The following FLT1 variants were observed in gnomAD, a reference collection of about 807,000 sequenced individuals.
FLT1 encodes the protein vascular endothelial growth factor receptor 1.
A neutral mutation model predicts 156.3 loss-of-function variants in FLT1; 49 were observed. That is an observed-to-expected ratio of 0.31 (90% CI 0.25 to 0.40). The LOEUF is 0.40. FLT1 is among the 10% of genes least tolerant of loss of function. The pLI, the probability that FLT1 is intolerant of heterozygous loss-of-function variation, is 1.00. For synonymous variants in FLT1, 594 were observed against 583.8 expected, an observed-to-expected ratio of 1.02 and a Z score of -0.25; for missense variants, 1,322 against 1,637.2, an observed-to-expected ratio of 0.81 and a Z score of 3.32.
intron 26 of FLT1, 62 bp from the exon 27 acceptor site, chr13:28,311,794 C>A (rs1593669722): frequency 7.0e-6 from 11 of 1,567,996 alleles, no homozygotes; most frequent in South Asian, 1.1e-5. Flanking sequence ...TTCTATGAAC[C>A]ATTATGTCAA....
intron 15 of FLT1, among the ~76,000 whole-genome samples, chr13:28,349,425 T>TACACACACAC (rs34182100): frequency 1.2e-3 from 170 of 147,014 alleles, no homozygotes; most frequent in Middle Eastern, 7.0e-3. Flanking sequence ...GGCCTTGCTG[T>TACACACACAC]ACACACACAC....
At position 28,329,744 on chromosome 13, in the gene FLT1, G is replaced by A. The variant is rs759250175; in HGVS notation, c.2594-16C>T. On this transcript the variant is annotated splice_polypyrimidine_tract_variant and intron_variant, in intron 18 of 29. Coordinates refer to ENST00000282397, the MANE Select transcript of FLT1 (RefSeq NM_002019.4). The stretch of plus-strand genomic sequence containing the variant: ...GTGGCCCCCTCTGTGTGAGAAGCAA[G>A]GAAGAGTCAGGGCGACAGGACAATG... 6 of 1,599,758 alleles carry A rather than the reference G, an allele frequency of 3.8e-6. No individual in the cohort carries two copies. The South Asian group carries it at 6.6e-5, about 18-fold the overall frequency.
At chr13:28,440,652 A>G (rs911886009) in intron 3 of FLT1, among the ~76,000 whole-genome samples, 2 of 152,134 alleles carry the variant, frequency 1.3e-5, no homozygotes, top group Non-Finnish European at 2.9e-5. Context: ...GGTGGTTCAG[A>G]GTACGCCTCA....
intron 14 of FLT1, among the ~76,000 whole-genome samples, chr13:28,375,772 G>A (rs1355303816): frequency 6.6e-6 from 1 of 152,220 alleles, no homozygotes; most frequent in Admixed American, 6.5e-5. Context: ...GGGGTGCTAA[G>A]TAGAGCAGCC....
intron 15 of FLT1, among the ~76,000 whole-genome samples, chr13:28,349,425 TACACAC>T (rs34182100): frequency 0.013 from 1,978 of 146,840 alleles, 30 homozygotes; most frequent in East Asian, 0.031. Flanking sequence ...GGCCTTGCTG[TACACAC>T]ACACACACAC....
At chr13:28,331,078 C>G (rs889208358) in intron 18 of FLT1, among the ~76,000 whole-genome samples, 3 of 152,166 alleles carry the variant, frequency 2.0e-5, no homozygotes, top group Non-Finnish European at 4.4e-5. Flanking sequence ...TGTCTATAGT[C>G]TTTTTGCTAT....
intron 3 of FLT1, among the ~76,000 whole-genome samples, chr13:28,459,910 G>C (rs1879470083): frequency 1.3e-5 from 2 of 152,234 alleles, no homozygotes; most frequent in Non-Finnish European, 2.9e-5. Context: ...TGGGGATGAA[G>C]GGCCCACATT....
chr13:28,458,258 C>T (rs754092552), intron 3 of FLT1, among the ~76,000 whole-genome samples: 2 of 152,186 alleles, frequency 1.3e-5, no homozygotes, highest in Non-Finnish European at 2.9e-5. Flanking sequence ...CCACAGTCAT[C>T]AACTTTTCAA....
intron 25 of FLT1, among the ~76,000 whole-genome samples, chr13:28,315,810 G>C (rs1871179496): frequency 6.6e-6 from 1 of 152,144 alleles, no homozygotes; most frequent in African/African-American, 2.4e-5. Context: ...GGAACGTGGG[G>C]TCTGTTCCTA....
At position 28,433,824 on chromosome 13, in the gene FLT1, C is replaced by T. The variant is rs758612495; in HGVS notation, c.808G>A (p.Asp270Asn). 61 of 1,613,880 alleles carry T rather than the reference C, an allele frequency of 3.8e-5. No homozygotes were observed. The highest frequency in any genetic ancestry group is 2.5e-6 in the Non-Finnish European group (3 of 1,179,880). ...TRVQMTWSYP[D>N]EKNKRASVRR... ...TAGAAAAATGGGTCACTCACTTCAT[C>T]AGGGTAACTCCAGGTCATTTGAACT... Residue 270 changes from aspartate to asparagine, a missense_variant, in exon 6 of 30, where the codon GAT (aspartate) becomes AAT (asparagine). Physicochemically the swap from Asp to Asn is conservative, Grantham distance 23. This residue lies in a region of FLT1 where 991 missense variants were observed against 1,254.8 expected (regional missense o/e 0.79). Transcript: ENST00000282397.
At position 28,320,459 on chromosome 13, in the gene FLT1, G is replaced by A. The variant is rs140817161; in HGVS notation, c.3175-925C>T. Among the ~76,000 whole-genome samples the A allele has an allele frequency of 4.3e-3, 650 of 152,114 alleles. 2 individuals carry two copies. The highest frequency in any genetic ancestry group is 6.2e-3 in the Non-Finnish European group (422 of 67,994). On this transcript the variant is annotated intron_variant, in intron 23 of 29. Transcript: ENST00000282397. ...CAAACATGTCCAATTCCTGGCCCGC[G>A]GGCCACATGTGGCCCAGGACAGCTT...
rs1555243081 is a variant in FLT1 at position 28,457,936 on chromosome 13, T to TTTC, written c.388+8966_388+8967insGAA. Among the ~76,000 whole-genome samples the TTTC allele has an allele frequency of 4.3e-3, 606 of 142,500 alleles. 5 individuals are homozygous for TTTC. Among genetic ancestry groups the TTTC allele is most frequent in the African/African-American group, 0.016 (589 of 37,548 alleles). The allele number at this position is 142,500 out of a possible 152,430, so 93.5% of individuals were successfully genotyped here. A position where few individuals can be genotyped will look rare whatever the true frequency, so the allele number is the denominator to read the frequency against. ...TTTTCCTTTTTTCTTTCCTTTTCTTTTTTTTTTTTTTTTTTTGTGATGGAG... is the reference window on the plus strand; with the variant it reads ...TTTTCCTTTTTTCTTTCCTTTTCTTTTTCTTTTTTTTTTTTTTTTGTGATGGAG... On this transcript the variant is annotated intron_variant, in intron 3 of 29. Coordinates refer to ENST00000282397, the MANE Select transcript of FLT1 (RefSeq NM_002019.4).
At chr13:28,475,979 C>T (rs1880520793) in intron 1 of FLT1, among the ~76,000 whole-genome samples, 1 of 152,072 alleles carries the variant, frequency 6.6e-6, no homozygotes, top group African/African-American at 2.4e-5. Flanking sequence ...CATGGGGATT[C>T]GTATGAACTG....
At chr13:28,308,788 G>A (rs577092483) in intron 28 of FLT1, 55 bp downstream of exon 28, 102 of 1,053,782 alleles carry the variant, frequency 9.7e-5, no homozygotes, top group Middle Eastern at 6.0e-4. Flanking sequence ...GTTTGGAAGG[G>A]ATCTGAAGAA....
rs571865165 is a variant in FLT1 at position 28,492,134 on chromosome 13, A to T, written c.64+2646T>A. On this transcript the variant is annotated intron_variant, in intron 1 of 29. Coordinates refer to ENST00000282397, the MANE Select transcript of FLT1 (RefSeq NM_002019.4). Reference sequence around the variant, plus strand: ...GAAAACAACAAAAATTGTTACAAAAAATTAACTTTATTATAAGAGATTTAT... The same window carrying T: ...GAAAACAACAAAAATTGTTACAAAATATTAACTTTATTATAAGAGATTTAT... Among the ~76,000 whole-genome samples, 33 of 152,350 alleles carry T rather than the reference A, an allele frequency of 2.2e-4. 1 individual carries two copies. In the South Asian group the frequency reaches 6.6e-3, roughly 31 times the overall value.
chr13:28,371,861 G>A (rs1295084971), intron 14 of FLT1, among the ~76,000 whole-genome samples: 1 of 151,822 alleles, frequency 6.6e-6, no homozygotes, highest in East Asian at 1.9e-4. Context: ...CAGGTCCCCT[G>A]TGGATAAGGG....
rs1398702767 is a variant in FLT1 at position 28,422,648 on chromosome 13, G to C, written c.1436+4511C>G. Among the ~76,000 whole-genome samples, 4 of 152,174 alleles carry C rather than the reference G, an allele frequency of 2.6e-5. No homozygotes were observed. In the East Asian group the frequency reaches 5.8e-4, roughly 22 times the overall value. ...TGATCAGAGCTCATGAGAGTACCAG[G>C]AAGGAGATCAGCAGAAGCCCCCCAC... On this transcript the variant is annotated intron_variant, in intron 10 of 29. Transcript: ENST00000282397.
rs1415091072 is a variant in FLT1 at position 28,306,738 on chromosome 13, G to A, written c.3755C>T (p.Ser1252Phe). Residue 1252 changes from serine to phenylalanine, a missense_variant, in exon 29 of 30, where the codon TCT (serine) becomes TTT (phenylalanine). This residue lies in a region of FLT1 where 329 missense variants were observed against 366.2 expected (regional missense o/e 0.90). Transcript: ENST00000282397. ...CCAGGTGAAGCGCTTCAGCATGGGAGAGGCCAACAGAGTGCTGCTGTCGCC... is the reference window on the plus strand; with the variant it reads ...CCAGGTGAAGCGCTTCAGCATGGGAAAGGCCAACAGAGTGCTGCTGTCGCC... ...YQGDSSTLLA[S>F]PMLKRFTWTD... 6.2e-7 allele frequency: 1 copy of A among 1,613,768 alleles called. No individual in the cohort carries two copies. The highest frequency in any genetic ancestry group is 2.2e-5 in the East Asian group (1 of 44,882).
At chr13:28,417,962 A>T in intron 10 of FLT1, among the ~76,000 whole-genome samples, 1 of 152,098 alleles carries the variant, frequency 6.6e-6, no homozygotes, top group East Asian at 1.9e-4. Flanking sequence ...TCCTGACTAA[A>T]TAGCCATGAG....
Sources: allele counts gnomAD v4.1 joint callset (sites outside exome capture counted in the v4.1 genomes callset), GRCh38; gene constraint gnomAD v4.1.1; regional missense constraint gnomAD v4.1.1; transcripts MANE v1.5; gene names NCBI Gene and HGNC (gene_info 2026-07-23, HGNC 2026-07-21).